The following EPB41L5 variants were observed in gnomAD, a reference collection of about 807,000 sequenced individuals.
EPB41L5 encodes the protein band 4.1-like protein 5.
Under a neutral mutation model 106.6 loss-of-function variants are expected in EPB41L5, and 55 were observed. The observed-to-expected ratio is 0.52, with a 90% CI of 0.42 to 0.65. The LOEUF (loss-of-function observed/expected upper bound fraction) is 0.65, where lower values mean the gene tolerates loss of function less well. EPB41L5 is among the 30% of genes least tolerant of loss of function. The pLI, the probability that EPB41L5 is intolerant of heterozygous loss-of-function variation, is 0.00. For missense variants in EPB41L5, 871 were observed against 882.1 expected, an observed-to-expected ratio of 0.99 and a Z score of 0.16; for synonymous variants, 297 against 306.7, an observed-to-expected ratio of 0.97 and a Z score of 0.33.
At chr2:120,071,808 A>G (rs1681888461) in intron 3 of EPB41L5, among the ~76,000 whole-genome samples, 1 of 152,178 alleles carries the variant, frequency 6.6e-6, no homozygotes, top group African/African-American at 2.4e-5. Context: ...AACGTGTAAA[A>G]CCTAAAACCA....
intron 18 of EPB41L5, among the ~76,000 whole-genome samples, chr2:120,142,024 C>G (rs1002435967): frequency 4.6e-5 from 7 of 151,070 alleles, no homozygotes; most frequent in African/African-American, 1.5e-4. Flanking sequence ...TAACTTCCAA[C>G]TTTGAGATGC....
At chr2:120,124,446 A>T (rs1685368522) in intron 16 of EPB41L5, among the ~76,000 whole-genome samples, 1 of 152,220 alleles carries the variant, frequency 6.6e-6, no homozygotes, top group Admixed American at 6.5e-5. Flanking sequence ...CTTCCACTAG[A>T]TTCACCAACT....
chr2:120,073,966 G>T (rs1395349989), intron 4 of EPB41L5, 134 bp from the exon 5 acceptor site: 2 of 638,668 alleles, frequency 3.1e-6, no homozygotes, highest in African/African-American at 3.7e-5. Flanking sequence ...TGAAGCCTAT[G>T]ATCTAACCTG....
chr2:120,097,894 TATAA>T (rs766409990), intron 14 of EPB41L5, among the ~76,000 whole-genome samples: 3 of 152,216 alleles, frequency 2.0e-5, no homozygotes, highest in Non-Finnish European at 4.4e-5. Context: ...TAACATCACT[TATAA>T]ATATTTTGTT....
chr2:120,073,213 A>G lies in EPB41L5; in HGVS notation c.321A>G (p.Gln107=), dbSNP rs151315784. The G allele has an allele frequency of 7.5e-6, 12 of 1,609,174 alleles. No homozygotes were observed. In the African/African-American group the frequency reaches 1.6e-4, roughly 22 times the overall value. ...WLDGTKSIKK[Q]VKIGSPYCLH... ...ATGGTACAAAAAGCATCAAAAAGCA[A>G]GTAAAAAGTAAGTGCAGACAAAATT... is the stretch of plus-strand genomic sequence containing the variant. The change falls in exon 4 of 25, where the codon CAA becomes CAG. Residue 107 remains glutamine, a synonymous_variant. Transcript: ENST00000263713.
intron 11 of EPB41L5, among the ~76,000 whole-genome samples, chr2:120,089,665 A>G (rs1362853108): frequency 6.6e-6 from 1 of 152,102 alleles, no homozygotes; most frequent in Admixed American, 6.5e-5. Context: ...TTTTACTATT[A>G]TAAATGAGAC....
chr2:120,079,550 A>G (rs571079458), intron 10 of EPB41L5, among the ~76,000 whole-genome samples: 1 of 152,268 alleles, frequency 6.6e-6, no homozygotes, highest in Admixed American at 6.5e-5. Flanking sequence ...GTCACCTGCT[A>G]TGAAGGACCA....
At chr2:120,097,275 G>T (rs1683822070) in intron 14 of EPB41L5, among the ~76,000 whole-genome samples, 1 of 152,134 alleles carries the variant, frequency 6.6e-6, no homozygotes, top group Admixed American at 6.5e-5. Flanking sequence ...ACCACCCATC[G>T]CAGTGCTTGA....
chr2:120,080,016 T>C (rs1682532217), intron 10 of EPB41L5, among the ~76,000 whole-genome samples: 2 of 152,216 alleles, frequency 1.3e-5, no homozygotes, highest in East Asian at 1.9e-4. Context: ...CTTAAAATGA[T>C]TTTTTTGTCT....
At position 120,106,221 on chromosome 2, in the gene EPB41L5, T is replaced by C. The variant is rs150135091; in HGVS notation, c.1337+5407T>C. On this transcript the variant is annotated intron_variant, in intron 16 of 24. Coordinates refer to ENST00000263713, the MANE Select transcript of EPB41L5 (RefSeq NM_020909.4). ...CGAATTCCTGATGAGAGAAACTGGA[T>C]TGGAGGGGTGTTAGGGATGGAGGCA... 1.8e-4 allele frequency: 182 copies of C among 985,262 alleles called. 1 individual carries two copies. The East Asian group carries it at 0.017, about 92-fold the overall frequency. The allele number at this position is 985,262 out of a possible 1,614,324, so 61.0% of individuals were successfully genotyped here. A position where few individuals can be genotyped will look rare whatever the true frequency, so the allele number is the denominator to read the frequency against.
intron 3 of EPB41L5, among the ~76,000 whole-genome samples, chr2:120,070,329 G>A (rs1245796944): frequency 1.3e-5 from 2 of 152,076 alleles, no homozygotes; most frequent in Non-Finnish European, 2.9e-5. Context: ...TGAAATTGAG[G>A]CAGTAATTAA....
intron 16 of EPB41L5, among the ~76,000 whole-genome samples, chr2:120,113,919 TTGAATTTCTGCTTTTTGTGAATGATGCTA>T (rs1684838002): frequency 6.6e-6 from 1 of 152,244 alleles, no homozygotes; most frequent in Non-Finnish European, 1.5e-5. Flanking sequence ...TGATAGATAT[TTGAATTTCTGCTTTTTGTGAATGATGCTA>T]TGAACATTGA....
chr2:120,143,034 T>A lies in EPB41L5; in HGVS notation c.1631T>A (p.Leu544His). The change falls in exon 19 of 25, where the codon CTT (leucine) becomes CAT (histidine). Residue 544 changes from leucine to histidine, a missense_variant. Physicochemically the swap from Leu to His is moderately conservative, Grantham distance 99. Transcript: ENST00000263713. ...EEVVKLTEKC[L>H]NNVIESPGLN... is the part of the protein sequence containing the mutation. Reference sequence around the variant, plus strand: ...GTGGTGAAGTTGACTGAGAAATGCCTTAATAATGTCATTGAGAGCCCAGGA... The same window carrying A: ...GTGGTGAAGTTGACTGAGAAATGCCATAATAATGTCATTGAGAGCCCAGGA... 1.2e-6 allele frequency: 2 copies of A among 1,613,086 alleles called. No homozygotes were observed. The highest frequency in any genetic ancestry group is 1.7e-6 in the Non-Finnish European group (2 of 1,179,280).
chr2:120,052,979 A>G (rs2105254493), intron 3 of EPB41L5, among the ~76,000 whole-genome samples: 1 of 152,310 alleles, frequency 6.6e-6, no homozygotes. Flanking sequence ...TAGATTTACT[A>G]TATTGATCAC....
At position 120,131,772 on chromosome 2, in the gene EPB41L5, T is replaced by C. The variant is rs1685704528; in HGVS notation, c.1599+57T>C. The C allele has an allele frequency of 3.1e-6, 4 of 1,295,328 alleles. No homozygotes were observed. In the Admixed American group the frequency reaches 7.1e-5, roughly 23 times the overall value. 80.2% of individuals were successfully genotyped at this position (1,295,328 alleles called of 1,614,324 possible). A position where few individuals can be genotyped will look rare whatever the true frequency, so the allele number is the denominator to read the frequency against. Reference sequence around the variant, plus strand: ...CACATCTCCAGAGCTCCCAGAAATATTTTCTTTCCAAAGACAGTACTTTCT... The same window carrying C: ...CACATCTCCAGAGCTCCCAGAAATACTTTCTTTCCAAAGACAGTACTTTCT... On this transcript the variant is annotated intron_variant, in intron 18 of 24. Transcript: ENST00000263713.
chr2:120,051,224 G>T (rs555026164), intron 3 of EPB41L5, among the ~76,000 whole-genome samples: 2 of 152,186 alleles, frequency 1.3e-5, no homozygotes, highest in Non-Finnish European at 2.9e-5. Flanking sequence ...TTCTGCTGCC[G>T]TTTATTCGGC....
chr2:120,058,609 T>C (rs1452577322), intron 3 of EPB41L5, among the ~76,000 whole-genome samples: 1 of 152,222 alleles, frequency 6.6e-6, no homozygotes, highest in African/African-American at 2.4e-5. Flanking sequence ...GGAAGCATTT[T>C]ACATTTACCT....
At chr2:120,134,523 C>T (rs1685839830) in intron 18 of EPB41L5, among the ~76,000 whole-genome samples, 1 of 152,194 alleles carries the variant, frequency 6.6e-6, no homozygotes, top group African/African-American at 2.4e-5. Flanking sequence ...GCAGGTCTGA[C>T]TCAGCACAGT....
At chr2:120,112,788 T>C (rs1684780808) in intron 16 of EPB41L5, among the ~76,000 whole-genome samples, 1 of 152,240 alleles carries the variant, frequency 6.6e-6, no homozygotes, top group African/African-American at 2.4e-5. Context: ...TGCCAGACAT[T>C]GTTCTGGAGG....
Sources: gnomAD v4.1 joint callset for allele counts (sites outside exome capture counted in the v4.1 genomes callset) on GRCh38, gnomAD v4.1.1 for gene constraint, MANE v1.5 for transcripts, NCBI Gene and HGNC (gene_info 2026-07-23, HGNC 2026-07-21) for gene names.